ATF7: variants seen among roughly 807,000 people sequenced by gnomAD.
ATF7 encodes cyclic AMP-dependent transcription factor ATF-7.
In ATF7, 10 loss-of-function variants were observed where a neutral mutation model predicts 50.4. That is an observed-to-expected ratio of 0.20 (90% confidence interval 0.12 to 0.34). The LOEUF (loss-of-function observed/expected upper bound fraction) is 0.34, where lower values mean the gene tolerates loss of function less well. ATF7 is among the 10% of genes least tolerant of loss of function. The probability of loss-of-function intolerance (pLI) is 1.00; values close to 1 mark genes in which losing one functional copy is unlikely to be tolerated. For synonymous variants in ATF7, 201 were observed against 226.4 expected (o/e 0.89, Z 1.01); for missense variants, 465 against 613.9 (o/e 0.76, Z 2.56).
At chr12:53,572,599 C>T (rs907527711) in intron 2 of ATF7, among the ~76,000 whole-genome samples, 33 of 152,096 alleles carry the variant, frequency 2.2e-4, no homozygotes, top group African/African-American at 2.4e-5. Flanking sequence ...TCCCCTTACC[C>T]GTGGTTTCAC....
At chr12:53,586,721 G>A (rs1942697238) in intron 2 of ATF7, among the ~76,000 whole-genome samples, 1 of 152,162 alleles carries the variant, frequency 6.6e-6, no homozygotes, top group African/African-American at 2.4e-5. Context: ...TCTACAGGCT[G>A]CTGCCCTGAA....
rs146377455 is a variant in ATF7 at position 53,558,779 on chromosome 12, G to C, written c.49-6142C>G. Among the ~76,000 whole-genome samples, 47 of 152,292 alleles carry C rather than the reference G, an allele frequency of 3.1e-4. 1 individual carries two copies. Among genetic ancestry groups the C allele is most frequent in the African/African-American group, 1.1e-3 (46 of 41,552 alleles). On this transcript the variant is annotated intron_variant, in intron 2 of 11. Transcript: ENST00000420353. ...TAAGAAGCATAAAATAGAATGTCAG[G>C]ACTATGAGGAAGTCAATCTGAAAAC...
intron 1 of ATF7, among the ~76,000 whole-genome samples, chr12:53,624,632 G>C (rs562427602): frequency 6.6e-6 from 1 of 152,320 alleles, no homozygotes; most frequent in African/African-American, 2.4e-5. Flanking sequence ...CATTTCGCAA[G>C]AGCCTCCACT....
At chr12:53,577,717 G>GAAAA (rs747036727) in intron 2 of ATF7, among the ~76,000 whole-genome samples, 5 of 96,272 alleles carry the variant, frequency 5.2e-5, no homozygotes, top group African/African-American at 1.6e-4. Context: ...CTCCGTCTCT[G>GAAAA]AAAAAAAAAA....
At chr12:53,573,522 C>T (rs777552403) in intron 2 of ATF7, among the ~76,000 whole-genome samples, 6 of 151,892 alleles carry the variant, frequency 4.0e-5, no homozygotes, top group Admixed American at 1.3e-4. Flanking sequence ...TTGAATTCTG[C>T]GGAATTTTTT....
At chr12:53,537,191 C>T (rs529097108) in intron 5 of ATF7, among the ~76,000 whole-genome samples, 10 of 151,818 alleles carry the variant, frequency 6.6e-5, no homozygotes, top group Non-Finnish European at 1.3e-4. Flanking sequence ...ACCTCATACT[C>T]TCAAGTAGCT....
chr12:53,525,635 C>G (rs961277600), intron 9 of ATF7, among the ~76,000 whole-genome samples: 4 of 151,876 alleles, frequency 2.6e-5, no homozygotes, highest in African/African-American at 9.7e-5. Context: ...ACTGAAGAAC[C>G]CCCTTTTGTT....
chr12:53,551,792 T>C (rs746734570), intron 3 of ATF7, among the ~76,000 whole-genome samples: 28 of 152,192 alleles, frequency 1.8e-4, no homozygotes, highest in Non-Finnish European at 3.1e-4. Context: ...GAATTAAATA[T>C]TGAATTAAGC....
intron 9 of ATF7, among the ~76,000 whole-genome samples, chr12:53,530,850 C>T (rs996366134): frequency 6.6e-6 from 1 of 152,058 alleles, no homozygotes; most frequent in African/African-American, 2.4e-5. Context: ...CTCAGAAGAT[C>T]CGCCTGCCTC....
intron 3 of ATF7, among the ~76,000 whole-genome samples, chr12:53,547,090 T>C (rs1244110413): frequency 6.7e-6 from 1 of 149,168 alleles, no homozygotes; most frequent in African/African-American, 2.5e-5. Flanking sequence ...GTTCATGCCA[T>C]TCTCCTGCCT....
intron 2 of ATF7, among the ~76,000 whole-genome samples, chr12:53,570,059 T>C (rs1941664516): frequency 1.3e-5 from 2 of 152,222 alleles, no homozygotes. Flanking sequence ...TGGACTGATT[T>C]CTGGAAACCT....
intron 7 of ATF7, 40 bp downstream of exon 7, chr12:53,533,120 C>T: frequency 6.6e-7 from 1 of 1,517,236 alleles, no homozygotes; most frequent in Non-Finnish European, 9.1e-7. Context: ...GGAAGGATTA[C>T]CATGTTGGTA....
At chr12:53,529,694 C>CAT (rs201402616) in intron 9 of ATF7, among the ~76,000 whole-genome samples, 1,894 of 120,448 alleles carry the variant, frequency 0.016, 17 homozygotes, top group Non-Finnish European at 0.023. Flanking sequence ...TATATAAATA[C>CAT]ATATATATAT....
chr12:53,621,722 G>A (rs544819494), intron 1 of ATF7, among the ~76,000 whole-genome samples: 24 of 150,140 alleles, frequency 1.6e-4, no homozygotes, highest in African/African-American at 5.9e-4. Context: ...CCGGGAGGCG[G>A]AGGTTGCAGT....
At chr12:53,607,328 T>C (rs1943658291) in intron 1 of ATF7, among the ~76,000 whole-genome samples, 1 of 152,224 alleles carries the variant, frequency 6.6e-6, no homozygotes, top group African/African-American at 2.4e-5. Flanking sequence ...TTTTATATAG[T>C]ACTTTTGGGA....
At chr12:53,617,584 GTGCCAC>G (rs1944195806) in intron 1 of ATF7, among the ~76,000 whole-genome samples, 1 of 152,118 alleles carries the variant, frequency 6.6e-6, no homozygotes, top group African/African-American at 2.4e-5. Context: ...AGCCAAGATT[GTGCCAC>G]TGCACTCCAG....
rs2137340698 is a variant in ATF7 at position 53,524,899 on chromosome 12, T to C, written c.928-138A>G. The C allele has an allele frequency of 2.5e-6, 2 of 813,908 alleles. No homozygotes were observed. Among genetic ancestry groups the C allele is most frequent in the Middle Eastern group, 3.7e-4 (1 of 2,680 alleles). The allele number at this position is 813,908 out of a possible 1,614,324, so 50.4% of individuals were successfully genotyped here. The stretch of plus-strand genomic sequence containing the variant: ...GTAACCACAGCAAGTCTCATTACTA[T>C]GTCCCCAAGCTTCCCTTTTGTAGGA... On this transcript the variant is annotated intron_variant, in intron 9 of 11. Transcript: ENST00000420353. The surrounding 1 kb of genome is among the most constrained non-coding windows in gnomAD (Gnocchi z 4.6).
chr12:53,525,184 T>C (rs752005898), intron 9 of ATF7, among the ~76,000 whole-genome samples: 4 of 152,130 alleles, frequency 2.6e-5, no homozygotes, highest in Admixed American at 6.6e-5. Context: ...TGAAACCTCA[T>C]CTCTACTAAA....
chr12:53,587,844 T>TA (rs1491300296), intron 2 of ATF7, among the ~76,000 whole-genome samples: 3,585 of 40,206 alleles, frequency 0.089, 62 homozygotes, highest in African/African-American at 0.1. Flanking sequence ...TATATATATA[T>TA]TTTTTTTTTT....
Sources: allele counts gnomAD v4.1 joint callset (sites outside exome capture counted in the v4.1 genomes callset), GRCh38; gene constraint gnomAD v4.1.1; non-coding constraint Gnocchi (gnomAD v3.1); transcripts MANE v1.5; gene names NCBI Gene and HGNC (gene_info 2026-07-23, HGNC 2026-07-21).